The following WDFY3 variants were observed in gnomAD, a reference collection of about 807,000 sequenced individuals.
WDFY3 encodes the protein WD repeat and FYVE domain-containing protein 3.
A neutral mutation model predicts 409.6 loss-of-function variants in WDFY3; 66 were observed. The observed-to-expected ratio is 0.16, with a 90% CI of 0.13 to 0.20. The LOEUF is 0.20. Ranked by LOEUF, WDFY3 falls within the 10% of genes least tolerant of loss-of-function variation. The pLI is 1.00. For missense variants in WDFY3, 3,031 were observed against 4,298.1 expected (o/e 0.71, Z 8.24); for synonymous variants, 1,521 against 1,537.1 (o/e 0.99, Z 0.25).
At chr4:84,702,162 C>A (rs968493467) in intron 56 of WDFY3, among the ~76,000 whole-genome samples, 191 bp downstream of exon 56, 2 of 152,190 alleles carry the variant, frequency 1.3e-5, no homozygotes, top group South Asian at 4.1e-4. Flanking sequence ...TGCCCACCAC[C>A]ACGTCTGGCT....
chr4:84,780,767 A>AAATC (rs889596250), intron 25 of WDFY3, among the ~76,000 whole-genome samples: 8 of 139,218 alleles, frequency 5.7e-5, no homozygotes, highest in African/African-American at 2.6e-4. Context: ...CCCTCTCAAA[A>AAATC]AATAAATAAA....
intron 41 of WDFY3, among the ~76,000 whole-genome samples, chr4:84,736,713 C>G (rs779774036): frequency 6.6e-5 from 10 of 151,990 alleles, no homozygotes; most frequent in Non-Finnish European, 1.3e-4. Context: ...TATAATGCCA[C>G]CAGAGAATCT....
At chr4:84,858,890 T>C (rs1309143359) in intron 4 of WDFY3, among the ~76,000 whole-genome samples, 3 of 147,554 alleles carry the variant, frequency 2.0e-5, no homozygotes, top group South Asian at 4.3e-4. Flanking sequence ...GGGAAAGAAA[T>C]AGGGACAGAG....
At chr4:84,848,792 A>C (rs1038126126) in intron 5 of WDFY3, among the ~76,000 whole-genome samples, 7 of 152,152 alleles carry the variant, frequency 4.6e-5, no homozygotes, top group Admixed American at 3.3e-4. Context: ...ACATCTCCCC[A>C]GCACATGTAT....
intron 37 of WDFY3, among the ~76,000 whole-genome samples, chr4:84,742,484 A>G (rs965513151): frequency 1.3e-5 from 2 of 152,072 alleles, no homozygotes; most frequent in Admixed American, 6.5e-5. Context: ...TGCCATATAC[A>G]TATTGCTTTC....
At chr4:84,772,176 T>G (rs1744789164) in intron 30 of WDFY3, among the ~76,000 whole-genome samples, 1 of 152,150 alleles carries the variant, frequency 6.6e-6, no homozygotes, top group Non-Finnish European at 1.5e-5. Flanking sequence ...AAATATAAGA[T>G]TCTGAGAATT....
chr4:84,747,912 A>G (rs989086018), intron 36 of WDFY3, among the ~76,000 whole-genome samples: 1 of 151,866 alleles, frequency 6.6e-6, no homozygotes, highest in Non-Finnish European at 1.5e-5. Flanking sequence ...AAATTTATAT[A>G]AAGGAAAATT....
At chr4:84,782,577 C>T (rs1055989881) in intron 25 of WDFY3, among the ~76,000 whole-genome samples, 4 of 152,116 alleles carry the variant, frequency 2.6e-5, no homozygotes, top group South Asian at 2.1e-4. Flanking sequence ...GTGATGTTCC[C>T]GTCCCTGTGT....
intron 36 of WDFY3, among the ~76,000 whole-genome samples, chr4:84,749,271 T>C (rs180793112): frequency 1.3e-5 from 2 of 152,316 alleles, no homozygotes; most frequent in African/African-American, 4.8e-5. Flanking sequence ...TTTATTCTGT[T>C]ACACCATTGG....
chr4:84,725,152 A>C (rs906636961), intron 45 of WDFY3, among the ~76,000 whole-genome samples: 2 of 152,214 alleles, frequency 1.3e-5, no homozygotes, highest in African/African-American at 4.8e-5. Context: ...GATCCTTCTG[A>C]GAGTCCTGAC....
At chr4:84,731,136 T>C (rs1736532020) in intron 44 of WDFY3, among the ~76,000 whole-genome samples, 2 of 152,290 alleles carry the variant, frequency 1.3e-5, no homozygotes, top group East Asian at 3.9e-4. Flanking sequence ...TGAGTTTGTG[T>C]TGGGTTGCAT....
At chr4:84,724,635 C>G (rs1396297393) in intron 45 of WDFY3, 41 bp from the exon 46 acceptor site, 2 of 1,593,004 alleles carry the variant, frequency 1.3e-6, no homozygotes, top group South Asian at 1.1e-5. Context: ...TAACTATCAC[C>G]AAGAATTAAA....
intron 36 of WDFY3, among the ~76,000 whole-genome samples, chr4:84,749,626 G>A (rs965688269): frequency 2.6e-5 from 4 of 152,196 alleles, no homozygotes; most frequent in African/African-American, 9.7e-5. Context: ...TTTGCTTAAA[G>A]TTGCAGCTAC....
At chr4:84,817,913 A>G (rs1753538288) in intron 12 of WDFY3, among the ~76,000 whole-genome samples, 2 of 152,206 alleles carry the variant, frequency 1.3e-5, no homozygotes, top group South Asian at 4.1e-4. Flanking sequence ...CTTATGTAAA[A>G]GGCTTTCAGA....
At chr4:84,909,171 T>C (rs1300666683) in intron 2 of WDFY3, among the ~76,000 whole-genome samples, 1 of 152,062 alleles carries the variant, frequency 6.6e-6, no homozygotes, top group Non-Finnish European at 1.5e-5. Context: ...GTGAGATTTA[T>C]CAGAGAAAAC....
At chr4:84,790,047 G>A in intron 21 of WDFY3, 140 bp from the exon 22 acceptor site, 2 of 984,896 alleles carry the variant, frequency 2.0e-6, no homozygotes, top group Non-Finnish European at 1.5e-6. Context: ...ATACAACTCT[G>A]GAAAAAAAAA....
In WDFY3 at chr4:84,963,449, G is replaced by GA. The variant is rs796700725; in HGVS notation, c.-226+2759dup. 8.1e-3 allele frequency among the ~76,000 whole-genome samples: 1,160 copies of GA among 143,130 alleles called. 9 individuals are homozygous for GA. Among genetic ancestry groups the GA allele is most frequent in the African/African-American group, 0.027 (1,064 of 38,962 alleles). The allele number at this position is 143,130 out of a possible 152,430, so 93.9% of individuals were successfully genotyped here. A position where few individuals can be genotyped will look rare whatever the true frequency, so the allele number is the denominator to read the frequency against. ...CAAAAGAAAAAAAAAAAAAGGTCAA[G>GA]AAAAAAAAAAGAAGAGGGGAAATTC... On this transcript the variant is annotated intron_variant, in intron 1 of 67. Transcript: ENST00000295888.
intron 1 of WDFY3, among the ~76,000 whole-genome samples, chr4:84,942,838 G>C (rs1321545259): frequency 6.6e-6 from 1 of 152,006 alleles, no homozygotes; most frequent in African/African-American, 2.4e-5. Flanking sequence ...TATATGTTTT[G>C]CAAGTATATT....
intron 58 of WDFY3, among the ~76,000 whole-genome samples, chr4:84,695,554 G>GAGAGAGAGT (rs1578160534): frequency 1.3e-5 from 1 of 79,890 alleles, no homozygotes. Context: ...AGAGAGAGAG[G>GAGAGAGAGT]CACGCATAGA....
Sources: allele counts gnomAD v4.1 joint callset (sites outside exome capture counted in the v4.1 genomes callset), GRCh38; gene constraint gnomAD v4.1.1; transcripts MANE v1.5; gene names NCBI Gene and HGNC (gene_info 2026-07-23, HGNC 2026-07-21).